ROBO2: variants seen among roughly 807,000 people sequenced by gnomAD.
ROBO2 encodes the protein roundabout homolog 2.
ROBO2 carries 53 observed loss-of-function variants against 160.8 expected under a neutral mutation model. The ratio of observed to expected loss-of-function variants is 0.33; its 90% CI spans 0.26 to 0.41. The LOEUF (loss-of-function observed/expected upper bound fraction) is 0.41, where lower values mean the gene tolerates loss of function less well. Ranked by LOEUF, ROBO2 falls within the 10% of genes least tolerant of loss-of-function variation. The pLI, the probability that ROBO2 is intolerant of heterozygous loss-of-function variation, is 1.00. For missense variants in ROBO2, 1,577 were observed against 1,722.4 expected (o/e 0.92, Z 1.49); for synonymous variants, 664 against 611.7 (o/e 1.09, Z -1.26).
chr3:76,430,979 TAATAA>T lies in ROBO2; in HGVS notation c.109+493383_109+493387del, dbSNP rs574112939. ...GTTTTTGAATTAAGTTTTCTCAAAC[TAATAA>T]AATAATAGTCATTTATAGATATTTC... is the stretch of plus-strand genomic sequence containing the variant. On this transcript the variant is annotated intron_variant, in intron 2 of 26. Coordinates refer to the ROBO2 transcript ENST00000487694. Among the ~76,000 whole-genome samples, 9 of 152,174 alleles carry T rather than the reference TAATAA, an allele frequency of 5.9e-5. No homozygotes were observed. In the South Asian group the frequency reaches 1.9e-3, roughly 32 times the overall value.
chr3:76,982,730 A>G (rs564334458), intron 2 of ROBO2, among the ~76,000 whole-genome samples: 2 of 152,304 alleles, frequency 1.3e-5, no homozygotes, highest in East Asian at 3.9e-4. Flanking sequence ...AAATATCTCA[A>G]ATATAATTTT....
chr3:76,408,344 T>C (rs1294141206), intron 2 of ROBO2, among the ~76,000 whole-genome samples: 1 of 152,116 alleles, frequency 6.6e-6, no homozygotes, highest in African/African-American at 2.4e-5. Context: ...TTATATTTTG[T>C]CTGTCCTTGC....
chr3:77,095,735 T>A (rs2070964725), intron 1 of ROBO2, among the ~76,000 whole-genome samples: 1 of 152,228 alleles, frequency 6.6e-6, no homozygotes, highest in African/African-American at 2.4e-5. Flanking sequence ...AACCTACTTC[T>A]ATTCAGCCAC....
At chr3:76,770,048 A>T (rs2061794503) in intron 2 of ROBO2, among the ~76,000 whole-genome samples, 2 of 151,448 alleles carry the variant, frequency 1.3e-5, no homozygotes, top group Admixed American at 1.3e-4. Context: ...TTCACAATTA[A>T]TTTTAATACA....
intron 1 of ROBO2, among the ~76,000 whole-genome samples, chr3:75,930,937 C>G (rs772844870): frequency 1.3e-5 from 2 of 152,196 alleles, no homozygotes; most frequent in Non-Finnish European, 2.9e-5. Context: ...ATCTCCTACA[C>G]TTTGTTAGCT....
chr3:76,592,995 C>T (rs1365339195), intron 2 of ROBO2, among the ~76,000 whole-genome samples: 2 of 152,084 alleles, frequency 1.3e-5, no homozygotes, highest in African/African-American at 4.8e-5. Context: ...AGACCAGGCA[C>T]TGTTTGAAAG....
intron 2 of ROBO2, among the ~76,000 whole-genome samples, chr3:77,256,589 C>A (rs1042671403): frequency 2.0e-5 from 3 of 152,020 alleles, no homozygotes; most frequent in Admixed American, 6.6e-5. Context: ...TCTTAATAAA[C>A]CTGCAAGTTA....
At chr3:76,601,263 G>A (rs893699955) in intron 2 of ROBO2, among the ~76,000 whole-genome samples, 1 of 152,266 alleles carries the variant, frequency 6.6e-6, no homozygotes, top group Non-Finnish European at 1.5e-5. Context: ...TGGATCTACC[G>A]TTCTGGGGTC....
intron 2 of ROBO2, among the ~76,000 whole-genome samples, chr3:76,550,484 G>A (rs1278310796): frequency 6.6e-6 from 1 of 152,238 alleles, no homozygotes; most frequent in Non-Finnish European, 1.5e-5. Flanking sequence ...TAGCTGGAAA[G>A]GCGTGGCTGG....
intron 2 of ROBO2, among the ~76,000 whole-genome samples, chr3:76,817,069 G>C (rs945600168): frequency 2.6e-5 from 4 of 151,952 alleles, no homozygotes; most frequent in African/African-American, 4.8e-5. Context: ...TGGAGAGTGT[G>C]GGGGGCATTG....
At chr3:77,219,104 G>A (rs747231340) in intron 2 of ROBO2, among the ~76,000 whole-genome samples, 3 of 151,828 alleles carry the variant, frequency 2.0e-5, no homozygotes, top group Admixed American at 6.6e-5. Context: ...GAGTAGCTGG[G>A]ATTACAGGTG....
chr3:76,779,782 C>A (rs1037383168), intron 2 of ROBO2, among the ~76,000 whole-genome samples: 40 of 150,840 alleles, frequency 2.7e-4, no homozygotes, highest in African/African-American at 9.0e-4. Context: ...ACAACATTTT[C>A]TTTATCTCTT....
intron 2 of ROBO2, among the ~76,000 whole-genome samples, chr3:77,170,986 A>G (rs1296804479): frequency 2.0e-5 from 3 of 152,126 alleles, no homozygotes; most frequent in African/African-American, 4.8e-5. Flanking sequence ...GTGGTGGGAT[A>G]AATGTGTGGC....
At chr3:77,034,863 A>G (rs2063534099) in intron 2 of ROBO2, among the ~76,000 whole-genome samples, 1 of 151,976 alleles carries the variant, frequency 6.6e-6, no homozygotes, top group African/African-American at 2.4e-5. Context: ...ATTATTTGGC[A>G]AAGAATCAAA....
At chr3:77,259,617 C>T (rs76167591) in intron 2 of ROBO2, among the ~76,000 whole-genome samples, 1,876 of 152,236 alleles carry the variant, frequency 0.012, 80 homozygotes, top group South Asian at 0.092. Flanking sequence ...AGGATGATTG[C>T]TTACTAGCTG....
At chr3:76,219,967 C>T (rs1211309051) in intron 2 of ROBO2, among the ~76,000 whole-genome samples, 1 of 151,846 alleles carries the variant, frequency 6.6e-6, no homozygotes, top group African/African-American at 2.4e-5. Flanking sequence ...GAAAATGTGG[C>T]ACATATACAC....
intron 24 of ROBO2, among the ~76,000 whole-genome samples, chr3:77,640,096 CATTTTT>C (rs2095325433): frequency 1.0e-5 from 1 of 97,480 alleles, no homozygotes; most frequent in African/African-American, 4.2e-5. Context: ...GCAGAGGAAG[CATTTTT>C]TTTTTTTTTT....
chr3:77,262,345 A>G (rs911731953), intron 2 of ROBO2, among the ~76,000 whole-genome samples: 1 of 152,200 alleles, frequency 6.6e-6, no homozygotes, highest in African/African-American at 2.4e-5. Context: ...ATAAATTACT[A>G]GAGACTTACA....
chr3:76,158,172 C>G (rs915832036), intron 2 of ROBO2, among the ~76,000 whole-genome samples: 1 of 152,066 alleles, frequency 6.6e-6, no homozygotes, highest in Non-Finnish European at 1.5e-5. Context: ...GTCACCTAAG[C>G]CAGAAAGCTG....
Sources: gnomAD v4.1 joint callset for allele counts (sites outside exome capture counted in the v4.1 genomes callset) on GRCh38, gnomAD v4.1.1 for gene constraint, MANE v1.5 for transcripts, NCBI Gene and HGNC (gene_info 2026-07-23, HGNC 2026-07-21) for gene names.